Variants in SLC8A3 observed in about 807,000 individuals in gnomAD.
SLC8A3 encodes the protein sodium/calcium exchanger 3.
SLC8A3 carries 37 observed loss-of-function variants against 65.4 expected under a neutral mutation model. The observed-to-expected ratio is 0.57, with a 90% CI of 0.44 to 0.74. The LOEUF is 0.74. SLC8A3 is among the 30% of genes least tolerant of loss of function. The pLI is 0.00. For missense variants in SLC8A3, 1,112 were observed against 1,172.1 expected (o/e 0.95, Z 0.75); for synonymous variants, 461 against 444.5 (o/e 1.04, Z -0.47).
In SLC8A3 at chr14:70,167,963, C is replaced by T; in HGVS notation, c.460G>A (p.Glu154Lys). The T allele has an allele frequency of 6.2e-7, 1 of 1,614,096 alleles. No individual in the cohort carries two copies. The highest frequency in any genetic ancestry group is 8.5e-7 in the Non-Finnish European group (1 of 1,180,014). The change falls in exon 2 of 7, where the codon GAG (glutamate) becomes AAG (lysine). Residue 154 changes from glutamate (E) to lysine (K), a missense_variant. Coordinates refer to ENST00000356921, the MANE Select transcript of SLC8A3 (RefSeq NM_182932.3). ...GCAATGAACCCATGACCACACACCTCAATTAAAGAGAGGAGTATCTCAGGA... is the reference window on the plus strand; with the variant it reads ...GCAATGAACCCATGACCACACACCTTAATTAAAGAGAGGAGTATCTCAGGA... ...SAPEILLSLI[E>K]VCGHGFIAGD...
chr14:70,084,739 C>A (rs1054917222), intron 2 of SLC8A3, among the ~76,000 whole-genome samples: 1 of 152,118 alleles, frequency 6.6e-6, no homozygotes, highest in African/African-American at 2.4e-5. Flanking sequence ...AGAGGAGAAA[C>A]GGAGTTGGAG....
At chr14:70,158,382 A>C (rs544776265) in intron 2 of SLC8A3, among the ~76,000 whole-genome samples, 3 of 152,326 alleles carry the variant, frequency 2.0e-5, no homozygotes, top group South Asian at 4.1e-4. Context: ...GAAACCTAAA[A>C]GGTCGACAAA....
chr14:70,150,711 A>G, intron 2 of SLC8A3, among the ~76,000 whole-genome samples: 1 of 152,214 alleles, frequency 6.6e-6, no homozygotes, highest in East Asian at 1.9e-4. Flanking sequence ...ACATGCCTGC[A>G]TTTTGGGATA....
At chr14:70,132,114 T>A (rs1361535837) in intron 2 of SLC8A3, among the ~76,000 whole-genome samples, 1 of 152,252 alleles carries the variant, frequency 6.6e-6, no homozygotes, top group Admixed American at 6.5e-5. Flanking sequence ...GCTCTTTCTG[T>A]GGCATCTGTT....
intron 2 of SLC8A3, among the ~76,000 whole-genome samples, chr14:70,159,049 T>C (rs1896734102): frequency 6.6e-6 from 1 of 152,240 alleles, no homozygotes; most frequent in South Asian, 2.1e-4. Context: ...TCACTGGCTC[T>C]ATGCCAGGTC....
At chr14:70,143,118 T>C (rs1324727375) in intron 2 of SLC8A3, among the ~76,000 whole-genome samples, 1 of 152,190 alleles carries the variant, frequency 6.6e-6, no homozygotes, top group East Asian at 1.9e-4. Flanking sequence ...GGCTTTTGCT[T>C]CTGAGCAGTG....
At chr14:70,062,676 T>G (rs368457553) in intron 2 of SLC8A3, among the ~76,000 whole-genome samples, 4 of 152,228 alleles carry the variant, frequency 2.6e-5, no homozygotes, top group African/African-American at 9.6e-5. Context: ...ACTGTACATT[T>G]TTATTACCTT....
chr14:70,118,614 A>G (rs1359141005), intron 2 of SLC8A3, among the ~76,000 whole-genome samples: 1 of 152,256 alleles, frequency 6.6e-6, no homozygotes, highest in Non-Finnish European at 1.5e-5. Flanking sequence ...AGATCTCCAC[A>G]TAAAATGAGA....
At chr14:70,136,041 GAAAT>G (rs1315097525) in intron 2 of SLC8A3, among the ~76,000 whole-genome samples, 3 of 151,922 alleles carry the variant, frequency 2.0e-5, no homozygotes, top group African/African-American at 7.2e-5. Context: ...GTTTATCAAT[GAAAT>G]AAATAAATGA....
intron 3 of SLC8A3, among the ~76,000 whole-genome samples, chr14:70,052,585 C>T (rs1439478445): frequency 6.9e-6 from 1 of 144,930 alleles, no homozygotes; most frequent in South Asian, 2.2e-4. Flanking sequence ...ACCAATGGTC[C>T]CTTCTCATGT....
At chr14:70,081,308 CT>C (rs1347590604) in intron 2 of SLC8A3, among the ~76,000 whole-genome samples, 1 of 152,176 alleles carries the variant, frequency 6.6e-6, no homozygotes, top group Non-Finnish European at 1.5e-5. Context: ...ATTTGTAGAT[CT>C]GGGGTACTTT....
intron 2 of SLC8A3, among the ~76,000 whole-genome samples, chr14:70,102,933 A>T (rs1301875117): frequency 6.6e-6 from 1 of 152,060 alleles, no homozygotes; most frequent in South Asian, 2.1e-4. Context: ...AGAAATAAAA[A>T]GCTCACAGAA....
At position 70,167,465 on chromosome 14, in the gene SLC8A3, G is replaced by C. The variant is rs1897242155; in HGVS notation, c.958C>G (p.Leu320Val). 3 of 1,614,150 alleles carry C rather than the reference G, an allele frequency of 1.9e-6. No homozygotes were observed. The East Asian group carries it at 6.7e-5, about 36-fold the overall frequency. ...GGGTGTTTTTGCTTCAGATCCTTGA[G>C]AATCCGGATCATCTCTCTGCGGGAC... is the stretch of plus-strand genomic sequence containing the variant. The part of the protein sequence containing the change: ...DESRREMIRI[L>V]KDLKQKHPEK... Residue 320 changes from leucine to valine, a missense_variant, in exon 2 of 7, where the codon CTC (leucine) becomes GTC (valine). Physicochemically the swap from Leu to Val is conservative, Grantham distance 32 (BLOSUM62 1). Transcript: ENST00000356921.
At chr14:70,162,032 A>T (rs948734995) in intron 2 of SLC8A3, among the ~76,000 whole-genome samples, 10 of 146,272 alleles carry the variant, frequency 6.8e-5, no homozygotes. Flanking sequence ...TTTTTAAAAA[A>T]TTTCCGTGGG....
intron 2 of SLC8A3, among the ~76,000 whole-genome samples, chr14:70,098,338 C>T (rs1324416045): frequency 2.6e-5 from 4 of 152,180 alleles, no homozygotes; most frequent in African/African-American, 9.7e-5. Context: ...ACAGTCACCT[C>T]CCCCTTTCCC....
intron 2 of SLC8A3, among the ~76,000 whole-genome samples, chr14:70,136,457 C>A (rs557441887): frequency 1.3e-5 from 2 of 152,286 alleles, no homozygotes; most frequent in African/African-American, 2.4e-5. Flanking sequence ...CCTCACTCAC[C>A]TTTTGTGCCA....
chr14:70,141,979 T>G (rs888801622), intron 2 of SLC8A3, among the ~76,000 whole-genome samples: 1 of 150,890 alleles, frequency 6.6e-6, no homozygotes, highest in Non-Finnish European at 1.5e-5. Context: ...TCCAATGGCC[T>G]CCCTCTCACC....
chr14:70,081,334 C>A (rs1470476935), intron 2 of SLC8A3, among the ~76,000 whole-genome samples: 2 of 152,058 alleles, frequency 1.3e-5, no homozygotes, highest in Admixed American at 6.5e-5. Flanking sequence ...TGGACAAGCA[C>A]CCAGGAAATT....
intron 2 of SLC8A3, among the ~76,000 whole-genome samples, chr14:70,105,819 A>G (rs1213439175): frequency 1.3e-5 from 2 of 152,184 alleles, no homozygotes; most frequent in Non-Finnish European, 2.9e-5. Context: ...TCTCTCATGA[A>G]AAGACACCAC....
Sources: allele counts gnomAD v4.1 joint callset (sites outside exome capture counted in the v4.1 genomes callset), GRCh38; gene constraint gnomAD v4.1.1; transcripts MANE v1.5; gene names NCBI Gene and HGNC (gene_info 2026-07-23, HGNC 2026-07-21).